The following HECW1 variants were observed in gnomAD, a reference collection of about 807,000 sequenced individuals.
HECW1 encodes the protein HECT, C2 and WW domain containing E3 ubiquitin protein ligase 1.
In HECW1, 61 loss-of-function variants were observed where a neutral mutation model predicts 182.3. That is an observed-to-expected ratio of 0.33 (90% CI 0.27 to 0.41). The LOEUF (loss-of-function observed/expected upper bound fraction) is 0.41. Among genes scored for constraint, HECW1 ranks in the 10% least tolerant of loss-of-function variants. HECW1 has a pLI of 1.00. For missense variants in HECW1, 1,739 were observed against 2,108.9 expected (o/e 0.82, Z 3.44); for synonymous variants, 859 against 832.6 (o/e 1.03, Z -0.55).
chr7:43,395,735 C>T (rs2075207336), intron 6 of HECW1, among the ~76,000 whole-genome samples: 1 of 152,192 alleles, frequency 6.6e-6, no homozygotes, highest in South Asian at 2.1e-4. Flanking sequence ...GGGGCACCTG[C>T]TTCAGTGTGA....
chr7:43,561,817 C>G lies in HECW1; in HGVS notation c.4712C>G (p.Ala1571Gly), dbSNP rs1276631723. 6.2e-7 allele frequency: 1 copy of G among 1,605,964 alleles called. No homozygotes were observed. Among genetic ancestry groups the G allele is most frequent in the Admixed American group, 1.7e-5 (1 of 59,988 alleles). Residue 1571 changes from alanine (A) to glycine (G), a missense_variant and splice_region_variant, in exon 30 of 30, where the codon GCA becomes GGA. By Grantham distance (60) the Ala-to-Gly change is moderately conservative. This residue lies in a region of HECW1 where 420 missense variants were observed against 595.7 expected (regional missense o/e 0.71). Transcript: ENST00000395891. ...KWGKITSLPR[A>G]HTCFNRLDLP... is the part of the protein sequence containing the mutation. ...ACCAATCTCTTCTCCCCATTCAGGG[C>G]ACACACATGCTTCAACCGACTGGAT... is the stretch of plus-strand genomic sequence containing the variant.
intron 13 of HECW1, among the ~76,000 whole-genome samples, chr7:43,463,185 A>T (rs182267850): frequency 6.6e-6 from 1 of 152,382 alleles, no homozygotes; most frequent in Non-Finnish European, 1.5e-5. Flanking sequence ...ATTTGCCAGC[A>T]TGCTATCAGA....
At chr7:43,231,168 A>G (rs925636066) in intron 2 of HECW1, among the ~76,000 whole-genome samples, 16 of 152,366 alleles carry the variant, frequency 1.1e-4, no homozygotes, top group Admixed American at 8.5e-4. Context: ...AACTTCCATA[A>G]GATCCCACAG....
rs2152967617 is a variant in HECW1 at position 43,563,320 on chromosome 7, A to G, written c.*1394A>G. The G allele has an allele frequency of 4.7e-6, 1 of 211,506 alleles. No individual in the cohort carries two copies. 13.1% of individuals were successfully genotyped at this position (211,506 alleles called of 1,614,324 possible). A position where few individuals can be genotyped will look rare whatever the true frequency, so the allele number is the denominator to read the frequency against. On this transcript the variant is annotated 3_prime_UTR_variant, in exon 30 of 30. Transcript: ENST00000395891. The stretch of plus-strand genomic sequence containing the variant: ...GCCTAACCTCTCAACTACATTTGAA[A>G]TAAACCCAACCATAATGGTCATTTG...
intron 3 of HECW1, among the ~76,000 whole-genome samples, chr7:43,267,147 A>G (rs531320313): frequency 6.3e-4 from 96 of 152,320 alleles, no homozygotes; most frequent in African/African-American, 2.2e-3. Flanking sequence ...TAAAACTTGT[A>G]CTGACCATTT....
At chr7:43,226,874 G>A (rs929595547) in intron 2 of HECW1, among the ~76,000 whole-genome samples, 4 of 152,240 alleles carry the variant, frequency 2.6e-5, no homozygotes, top group Non-Finnish European at 5.9e-5. Context: ...AGGATGGCCT[G>A]CGTGTGGGGG....
At chr7:43,470,081 A>G (rs1173906530) in intron 16 of HECW1, among the ~76,000 whole-genome samples, 1 of 152,202 alleles carries the variant, frequency 6.6e-6, no homozygotes, top group African/African-American at 2.4e-5. Context: ...CTCCTCTGTA[A>G]CCAGGGATGA....
rs1784857960 is a variant in HECW1, at chr7:43,114,131, T to C, written c.-266-26T>C. On this transcript the variant is annotated intron_variant, in intron 1 of 29. Transcript: ENST00000395891. ...ATCTGCAGTGGTGCAATTCTCCCCT[T>C]GTTTTCCCCCCTTCTCTTTGAAAAG... 3 of 762,556 alleles carry C rather than the reference T, an allele frequency of 3.9e-6. No homozygotes were observed. In the South Asian group the frequency reaches 5.5e-5, roughly 14 times the overall value. The allele number at this position is 762,556 out of a possible 1,614,324, so 47.2% of individuals were successfully genotyped here.
At chr7:43,479,489 A>G in intron 16 of HECW1, 121 bp from the exon 17 acceptor site, 1 of 1,159,704 alleles carries the variant, frequency 8.6e-7, no homozygotes, top group Non-Finnish European at 1.2e-6. Flanking sequence ...AAGTAGGGGT[A>G]GGGGAGGCTG....
chr7:43,209,083 A>T (rs1276302664), intron 2 of HECW1, among the ~76,000 whole-genome samples: 2 of 152,092 alleles, frequency 1.3e-5, no homozygotes, highest in African/African-American at 4.8e-5. Context: ...CAGGGTTAGG[A>T]GTGGGAGGCG....
At chr7:43,386,692 A>G (rs994690830) in intron 6 of HECW1, among the ~76,000 whole-genome samples, 1 of 152,010 alleles carries the variant, frequency 6.6e-6, no homozygotes, top group African/African-American at 2.4e-5. Context: ...TGTGTCACCT[A>G]TCATCTCAAG....
At chr7:43,356,478 A>G (rs542731662) in intron 5 of HECW1, among the ~76,000 whole-genome samples, 52 of 152,226 alleles carry the variant, frequency 3.4e-4, no homozygotes, top group Admixed American at 9.8e-4. Flanking sequence ...TCAATACCCC[A>G]CTCTCCATAA....
intron 3 of HECW1, among the ~76,000 whole-genome samples, chr7:43,256,857 AAAGT>A (rs1348505705): frequency 6.6e-6 from 1 of 152,198 alleles, no homozygotes; most frequent in Non-Finnish European, 1.5e-5. Flanking sequence ...AAAAAGAAAG[AAAGT>A]AAGGTATATA....
chr7:43,477,187 A>G (rs1563029512), intron 16 of HECW1, among the ~76,000 whole-genome samples: 1 of 152,198 alleles, frequency 6.6e-6, no homozygotes, highest in Non-Finnish European at 1.5e-5. Context: ...TTGTGAGAGC[A>G]TTATAAAGAG....
intron 6 of HECW1, among the ~76,000 whole-genome samples, chr7:43,369,036 A>G (rs1478734614): frequency 6.6e-6 from 1 of 152,222 alleles, no homozygotes; most frequent in African/African-American, 2.4e-5. Flanking sequence ...CTGGTGTTTC[A>G]TGGGCACATT....
chr7:43,172,416 T>C (rs1684441340), intron 2 of HECW1, among the ~76,000 whole-genome samples: 1 of 113,178 alleles, frequency 8.8e-6, no homozygotes, highest in Admixed American at 9.5e-5. Context: ...CTAGAAATCC[T>C]AGAGATTTCT....
At chr7:43,455,583 T>C (rs2077374237) in intron 12 of HECW1, among the ~76,000 whole-genome samples, 1 of 152,250 alleles carries the variant, frequency 6.6e-6, no homozygotes, top group Non-Finnish European at 1.5e-5. Flanking sequence ...CTTCCACAGC[T>C]GTCGTTTGAG....
chr7:43,236,002 G>A (rs557243237), intron 2 of HECW1, among the ~76,000 whole-genome samples: 47 of 152,274 alleles, frequency 3.1e-4, no homozygotes, highest in African/African-American at 1.0e-3. Context: ...CAGCCTGGGC[G>A]ACATAGTGAG....
chr7:43,293,026 C>A (rs2152756668), intron 3 of HECW1, among the ~76,000 whole-genome samples: 1 of 152,078 alleles, frequency 6.6e-6, no homozygotes, highest in Non-Finnish European at 1.5e-5. Context: ...AGATCAAGAT[C>A]ATCCTAGCTA....
Sources: allele counts gnomAD v4.1 joint callset (sites outside exome capture counted in the v4.1 genomes callset), GRCh38; gene constraint gnomAD v4.1.1; regional missense constraint gnomAD v4.1.1; transcripts MANE v1.5; gene names NCBI Gene and HGNC (gene_info 2026-07-23, HGNC 2026-07-21).